The following GMEB2 variants were observed in gnomAD, a reference collection of about 807,000 sequenced individuals.
GMEB2 encodes glucocorticoid modulatory element-binding protein 2.
Under a neutral mutation model 45.7 loss-of-function variants are expected in GMEB2, and 7 were observed. That is an observed-to-expected ratio of 0.15 (90% CI 0.09 to 0.29). GMEB2 has a LOEUF of 0.29. Among genes scored for constraint, GMEB2 ranks in the 10% least tolerant of loss-of-function variants. GMEB2 has a pLI of 1.00. For missense variants in GMEB2, 582 were observed against 739.2 expected (o/e 0.79, Z 2.47); for synonymous variants, 322 against 323.6 (o/e 1.00, Z 0.05).
In GMEB2 at chr20:63,589,606, G is replaced by A. The variant is rs2083125760; in HGVS notation, c.*483C>T. Reference sequence around the variant, plus strand: ...GAAACCAAATCCATAGGATCCAGAGGTTTCACACTTGGGCTTAGCTCCCAA... The same window carrying A: ...GAAACCAAATCCATAGGATCCAGAGATTTCACACTTGGGCTTAGCTCCCAA... On this transcript the variant is annotated 3_prime_UTR_variant, in exon 10 of 10. Transcript: ENST00000370077. 5.7e-6 allele frequency: 1 copy of A among 176,952 alleles called. No homozygotes were observed. The highest frequency in any genetic ancestry group is 1.2e-5 in the Non-Finnish European group (1 of 85,336). 11.0% of individuals were successfully genotyped at this position (176,952 alleles called of 1,614,324 possible).
At chr20:63,606,297 A>G (rs937387709) in intron 2 of GMEB2, among the ~76,000 whole-genome samples, 1 of 151,768 alleles carries the variant, frequency 6.6e-6, no homozygotes, top group Non-Finnish European at 1.5e-5. Context: ...ACTTTGCCTT[A>G]AAAAATAAAA....
intron 2 of GMEB2, among the ~76,000 whole-genome samples, chr20:63,609,173 A>ACC (rs1172867972): frequency 6.5e-5 from 1 of 15,392 alleles, no homozygotes; most frequent in Admixed American, 4.4e-4. Context: ...TGTCCCTCTG[A>ACC]CTCACCTCCA....
intron 3 of GMEB2, among the ~76,000 whole-genome samples, chr20:63,603,395 A>G (rs562582612): frequency 6.6e-6 from 1 of 152,366 alleles, no homozygotes; most frequent in East Asian, 1.9e-4. Flanking sequence ...AATTCTAGGG[A>G]AACCTAAGGT....
At position 63,592,947 on chromosome 20, in the gene GMEB2, G is replaced by T; in HGVS notation, c.691+64C>A. ...CTCCTGGAGCCCCTGTGTGGCCCGA[G>T]GTGGGCAGAGACTCCACCACCCCGC... is the stretch of plus-strand genomic sequence containing the variant. On this transcript the variant is annotated intron_variant, in intron 7 of 9. Coordinates refer to ENST00000370077, the MANE Select transcript of GMEB2 (RefSeq NM_012384.5). This position sits in a 1 kb window ranked among gnomAD's most constrained non-coding sequence, Gnocchi z 8.2. The T allele has an allele frequency of 9.1e-7, 1 of 1,102,396 alleles. No homozygotes were observed. Among genetic ancestry groups the T allele is most frequent in the Non-Finnish European group, 1.4e-6 (1 of 732,732 alleles). 68.3% of individuals were successfully genotyped at this position (1,102,396 alleles called of 1,614,324 possible).
In GMEB2 at chr20:63,603,076, C is replaced by T. The variant is rs781561906; in HGVS notation, c.246G>A (p.Glu82=). The change falls in exon 4 of 10, where the codon GAG becomes GAA. Residue 82 remains glutamate, a synonymous_variant. Coordinates refer to ENST00000370077, the MANE Select transcript of GMEB2 (RefSeq NM_012384.5). ...KEAVLVKMAE[E]GENLEAEIVY... ...CAATCTCAGCTTCCAGGTTCTCCCCCTCTTCAGCCATCTTCACTTCTCACA... is the reference window on the plus strand; with the variant it reads ...CAATCTCAGCTTCCAGGTTCTCCCCTTCTTCAGCCATCTTCACTTCTCACA... 1.9e-6 allele frequency: 3 copies of T among 1,614,104 alleles called. No homozygotes were observed. The Admixed American group carries it at 5.0e-5, about 27-fold the overall frequency.
chr20:63,625,101 A>G (rs2089662017), intron 1 of GMEB2, among the ~76,000 whole-genome samples: 1 of 152,226 alleles, frequency 6.6e-6, no homozygotes, highest in African/African-American at 2.4e-5. Context: ...CTTTAGACAC[A>G]GAAGAAGCAC....
Position 63,592,904 on chromosome 20 carries a change from C to T in GMEB2, c.691+107G>A. 1.3e-6 allele frequency: 1 copy of T among 785,060 alleles called. No homozygotes were observed. Among genetic ancestry groups the T allele is most frequent in the East Asian group, 2.7e-5 (1 of 37,510 alleles). 48.6% of individuals were successfully genotyped at this position (785,060 alleles called of 1,614,324 possible). On this transcript the variant is annotated intron_variant, in intron 7 of 9. Coordinates refer to ENST00000370077, the MANE Select transcript of GMEB2 (RefSeq NM_012384.5). The surrounding 1 kb of genome is among the most constrained non-coding windows in gnomAD (Gnocchi z 8.2). ...AACCAGGCCTTTCTCCACAAAGACCCTGCCGGCCCCACCTGGACTCCTGGA... is the reference window on the plus strand; with the variant it reads ...AACCAGGCCTTTCTCCACAAAGACCTTGCCGGCCCCACCTGGACTCCTGGA...
intron 1 of GMEB2, among the ~76,000 whole-genome samples, chr20:63,626,369 CGGGTCGGGTGCCTGCGGGGTGGCCCCTGG>C (rs2089672574): frequency 8.0e-6 from 1 of 124,924 alleles, no homozygotes; most frequent in African/African-American, 3.0e-5. Flanking sequence ...CGCGTCCCTG[CGGGTCGGGTGCCTGCGGGGTGGCCCCTGG>C]GGATCGCGTC....
chr20:63,597,721 T>A, intron 5 of GMEB2, 36 bp downstream of exon 5: 1 of 1,165,070 alleles, frequency 8.6e-7, no homozygotes, highest in Non-Finnish European at 1.3e-6. Context: ...CCAGGGCCCC[T>A]TCCAGCAGGG....
chr20:63,604,898 G>A (rs527372530), intron 2 of GMEB2, 58 bp from the exon 3 acceptor site: 1 of 958,100 alleles, frequency 1.0e-6, no homozygotes, highest in East Asian at 2.4e-5. Flanking sequence ...ACAACCTGCA[G>A]GGCACTATTT....
In GMEB2 at chr20:63,593,221, T is replaced by C; in HGVS notation, c.620-139A>G. On this transcript the variant is annotated intron_variant, in intron 6 of 9. Transcript: ENST00000370077. This position sits in a 1 kb window ranked among gnomAD's most constrained non-coding sequence, Gnocchi z 4.7. Reference sequence around the variant, plus strand: ...AAACTGACAAACACAGGATACGCACTAGTACAGCCAAAGTGTACCTGCCTT... The same window carrying C: ...AAACTGACAAACACAGGATACGCACCAGTACAGCCAAAGTGTACCTGCCTT... 1.6e-6 allele frequency: 1 copy of C among 633,162 alleles called. No individual in the cohort carries two copies. Among genetic ancestry groups the C allele is most frequent in the Admixed American group, 2.5e-5 (1 of 39,910 alleles). The allele number at this position is 633,162 out of a possible 1,614,324, so 39.2% of individuals were successfully genotyped here.
chr20:63,592,352 G>C lies in GMEB2; in HGVS notation c.829+181C>G, dbSNP rs998392880. Among the ~76,000 whole-genome samples, 3 of 152,274 alleles carry C rather than the reference G, an allele frequency of 2.0e-5. No homozygotes were observed. The highest frequency in any genetic ancestry group is 7.2e-5 in the African/African-American group (3 of 41,554). On this transcript the variant is annotated intron_variant, in intron 8 of 9. Transcript: ENST00000370077. This position sits in a 1 kb window ranked among gnomAD's most constrained non-coding sequence, Gnocchi z 8.2. ...GAGCTCAGTTCAGAGGGAGAAGACT[G>C]AGATACATCAAGGCGATCCTCCCAC...
intron 2 of GMEB2, 100 bp from the exon 3 acceptor site, chr20:63,604,940 C>A: frequency 1.3e-6 from 1 of 746,704 alleles, no homozygotes; most frequent in Non-Finnish European, 2.4e-6. Context: ...CTGTTACACT[C>A]TTCTAACTGA....
intron 9 of GMEB2, among the ~76,000 whole-genome samples, chr20:63,591,120 A>G (rs971877206): frequency 3.3e-5 from 5 of 152,154 alleles, no homozygotes; most frequent in African/African-American, 7.2e-5. Context: ...GTGACATATT[A>G]AGAGAGAGAG....
intron 3 of GMEB2, among the ~76,000 whole-genome samples, chr20:63,604,138 G>A (rs980967672): frequency 6.6e-6 from 1 of 151,106 alleles, no homozygotes. Flanking sequence ...GGCTGAGGCT[G>A]GAGGATCACA....
intron 1 of GMEB2, among the ~76,000 whole-genome samples, chr20:63,625,849 G>A (rs559720852): frequency 1.3e-5 from 2 of 152,196 alleles, no homozygotes; most frequent in East Asian, 3.9e-4. Flanking sequence ...GCCCACGTCG[G>A]GCTCCCAAAG....
intron 2 of GMEB2, among the ~76,000 whole-genome samples, chr20:63,614,844 G>A (rs923890551): frequency 2.6e-5 from 4 of 152,170 alleles, no homozygotes; most frequent in African/African-American, 9.7e-5. Flanking sequence ...CAGTGGGCAC[G>A]TGACCCACAT....
chr20:63,613,023 G>C (rs549692739), intron 2 of GMEB2, among the ~76,000 whole-genome samples: 1 of 150,784 alleles, frequency 6.6e-6, no homozygotes, highest in East Asian at 2.0e-4. Context: ...GTGCAGTGGC[G>C]CAATCTTGGC....
At chr20:63,591,949 G>T in intron 9 of GMEB2, 73 bp downstream of exon 9, 1 of 1,367,790 alleles carries the variant, frequency 7.3e-7, no homozygotes, top group Non-Finnish European at 1.0e-6. Context: ...ATGCACAGCC[G>T]TGGGGTGAGC....
Sources: allele counts gnomAD v4.1 joint callset (sites outside exome capture counted in the v4.1 genomes callset), GRCh38; gene constraint gnomAD v4.1.1; non-coding constraint Gnocchi (gnomAD v3.1); transcripts MANE v1.5; gene names NCBI Gene and HGNC (gene_info 2026-07-23, HGNC 2026-07-21).